PTPRR: variants seen among roughly 807,000 people sequenced by gnomAD.
The protein encoded by PTPRR is receptor-type tyrosine-protein phosphatase R.
In PTPRR, 38 loss-of-function variants were observed where a neutral mutation model predicts 77.2. That is an observed-to-expected ratio of 0.49 (90% confidence interval 0.38 to 0.65). PTPRR has a LOEUF of 0.65. PTPRR is among the 30% of genes least tolerant of loss of function. PTPRR has a pLI of 0.00. For missense variants in PTPRR, 744 were observed against 799.2 expected (o/e 0.93, Z 0.83); for synonymous variants, 299 against 283.1 (o/e 1.06, Z -0.57).
chr12:70,659,264 C>A (rs1886706920), intron 12 of PTPRR, among the ~76,000 whole-genome samples: 1 of 152,012 alleles, frequency 6.6e-6, no homozygotes, highest in African/African-American at 2.4e-5. Context: ...CACAGGTAGG[C>A]CATGGTGGCG....
At chr12:70,653,263 T>TGAA (rs1466822459) in intron 13 of PTPRR, among the ~76,000 whole-genome samples, 1 of 152,110 alleles carries the variant, frequency 6.6e-6, no homozygotes, top group Non-Finnish European at 1.5e-5. Context: ...CTTTCCTGTG[T>TGAA]GAAGACAGGC....
intron 10 of PTPRR, among the ~76,000 whole-genome samples, chr12:70,663,742 T>C (rs1310379844): frequency 6.6e-6 from 1 of 152,200 alleles, no homozygotes; most frequent in Non-Finnish European, 1.5e-5. Flanking sequence ...GGAAGCAATG[T>C]TAATTTTAGA....
intron 2 of PTPRR, among the ~76,000 whole-genome samples, chr12:70,795,578 T>C (rs1891496567): frequency 6.6e-6 from 1 of 152,216 alleles, no homozygotes; most frequent in Non-Finnish European, 1.5e-5. Context: ...TTATTATTTA[T>C]ACAGTCCATT....
At chr12:70,808,060 C>T (rs557301601) in intron 2 of PTPRR, among the ~76,000 whole-genome samples, 1 of 151,990 alleles carries the variant, frequency 6.6e-6, no homozygotes, top group Non-Finnish European at 1.5e-5. Flanking sequence ...AATTAGCAGC[C>T]CTGGGAAAAG....
chr12:70,831,417 C>T (rs959620197), intron 2 of PTPRR, among the ~76,000 whole-genome samples: 1 of 152,104 alleles, frequency 6.6e-6, no homozygotes, highest in Non-Finnish European at 1.5e-5. Flanking sequence ...TTAAGCTCTT[C>T]AAATATCATT....
chr12:70,864,378 T>C (rs1278549319), intron 2 of PTPRR, among the ~76,000 whole-genome samples: 1 of 152,194 alleles, frequency 6.6e-6, no homozygotes, highest in African/African-American at 2.4e-5. Context: ...GAATCTTCTG[T>C]GGTCCCCTAA....
chr12:70,720,500 A>G (rs535196467), intron 6 of PTPRR, among the ~76,000 whole-genome samples: 78 of 142,768 alleles, frequency 5.5e-4, no homozygotes, highest in African/African-American at 1.8e-3. Flanking sequence ...TTGCTCTGTT[A>G]CCCTGGTAAT....
intron 6 of PTPRR, among the ~76,000 whole-genome samples, chr12:70,714,225 AAAC>A (rs1888936339): frequency 6.6e-6 from 1 of 152,296 alleles, no homozygotes; most frequent in African/African-American, 2.4e-5. Flanking sequence ...AATTCAAAGA[AAAC>A]AATATCTTGT....
intron 2 of PTPRR, among the ~76,000 whole-genome samples, chr12:70,836,940 A>G (rs1350337379): frequency 6.6e-6 from 1 of 152,088 alleles, no homozygotes; most frequent in Non-Finnish European, 1.5e-5. Context: ...TGCTGATTAT[A>G]CATGTAATAT....
intron 2 of PTPRR, among the ~76,000 whole-genome samples, chr12:70,777,168 T>C (rs7299834): frequency 0.066 from 10,107 of 152,180 alleles, 367 homozygotes; most frequent in Middle Eastern, 0.099. Flanking sequence ...ATTTATAATA[T>C]ATACCATCAT....
intron 3 of PTPRR, 66 bp from the exon 4 acceptor site, chr12:70,761,692 C>G: frequency 1.6e-6 from 2 of 1,277,530 alleles, no homozygotes; most frequent in African/African-American, 3.0e-5. Flanking sequence ...ATATTTTTAC[C>G]TGTCCTTTAG....
chr12:70,759,704 A>C (rs958164659), intron 4 of PTPRR, among the ~76,000 whole-genome samples: 1 of 147,092 alleles, frequency 6.8e-6, no homozygotes, highest in Non-Finnish European at 1.5e-5. Flanking sequence ...AAAAAAAAAA[A>C]AACAAACGAA....
intron 2 of PTPRR, among the ~76,000 whole-genome samples, chr12:70,881,060 T>C (rs1490080406): frequency 6.6e-6 from 1 of 152,152 alleles, no homozygotes; most frequent in Non-Finnish European, 1.5e-5. Context: ...TAGCAGCCCA[T>C]TCAAGTAGAT....
At chr12:70,817,722 A>T (rs182909042) in intron 2 of PTPRR, among the ~76,000 whole-genome samples, 3 of 152,316 alleles carry the variant, frequency 2.0e-5, no homozygotes, top group Admixed American at 2.0e-4. Context: ...TCCTCTAAGA[A>T]AGGAGATGTG....
intron 2 of PTPRR, among the ~76,000 whole-genome samples, chr12:70,889,742 T>C (rs184629186): frequency 3.9e-5 from 6 of 152,162 alleles, no homozygotes; most frequent in Non-Finnish European, 5.9e-5. Context: ...CGCTTCTTTT[T>C]CCCTTCTTTC....
At position 70,662,545 on chromosome 12, in the gene PTPRR, T is replaced by C. The variant is rs1483171001; in HGVS notation, c.1558A>G (p.Ile520Val). The C allele has an allele frequency of 6.2e-7, 1 of 1,612,872 alleles. No individual in the cohort carries two copies. Among genetic ancestry groups the C allele is most frequent in the Non-Finnish European group, 8.5e-7 (1 of 1,179,200 alleles). ...GIYGKVEVLV[I>V]SVNECDNYTI... ...TAGTTATCACATTCATTTACACTGA[T>C]AACCAGAACCTCAACTTTTCCATAT... Residue 520 changes from isoleucine to valine, a missense_variant, in exon 11 of 14, where the codon ATC becomes GTC. Physicochemically the swap from Ile to Val is conservative, Grantham distance 29 (BLOSUM62 3). This residue lies in a region of PTPRR where 170 missense variants were observed against 209.8 expected (regional missense o/e 0.81). Transcript: ENST00000283228.
chr12:70,914,837 G>GCAACAA (rs906182882), intron 1 of PTPRR, among the ~76,000 whole-genome samples: 1 of 151,170 alleles, frequency 6.6e-6, no homozygotes, highest in Non-Finnish European at 1.5e-5. Context: ...AACAACAACA[G>GCAACAA]CAACAACAAC....
chr12:70,711,969 A>C (rs990214372), intron 6 of PTPRR, among the ~76,000 whole-genome samples: 5 of 152,144 alleles, frequency 3.3e-5, no homozygotes, highest in Non-Finnish European at 2.9e-5. Context: ...GTGTTTGTTC[A>C]GTGTTCATTT....
intron 1 of PTPRR, among the ~76,000 whole-genome samples, chr12:70,899,201 A>G (rs1893487795): frequency 6.6e-6 from 1 of 151,416 alleles, no homozygotes. Context: ...AAGGGGGAAC[A>G]TTCACCGAAA....
Sources: allele counts gnomAD v4.1 joint callset (sites outside exome capture counted in the v4.1 genomes callset), GRCh38; gene constraint gnomAD v4.1.1; regional missense constraint gnomAD v4.1.1; transcripts MANE v1.5; gene names NCBI Gene and HGNC (gene_info 2026-07-23, HGNC 2026-07-21).